XIRP2: variants seen among roughly 807,000 people sequenced by gnomAD.
The protein encoded by XIRP2 is xin actin-binding repeat-containing protein 2.
Under a neutral mutation model 277.0 loss-of-function variants are expected in XIRP2, and 236 were observed. The ratio of observed to expected loss-of-function variants is 0.85; its 90% confidence interval spans 0.77 to 0.95. XIRP2 has a LOEUF of 0.95. XIRP2 is among the 40% of genes least tolerant of loss of function. The probability of loss-of-function intolerance (pLI) is 0.00; values close to 1 mark genes in which losing one functional copy is unlikely to be tolerated. For synonymous variants in XIRP2, 1,490 were observed against 1,416.5 expected, an observed-to-expected ratio of 1.05 and a Z score of -1.17; for missense variants, 4,640 against 4,157.5, an observed-to-expected ratio of 1.12 and a Z score of -3.19.
chr2:166,934,195 C>CAAAAAA (rs750753001), intron 2 of XIRP2, among the ~76,000 whole-genome samples: 74 of 71,436 alleles, frequency 1.0e-3, no homozygotes, highest in East Asian at 2.3e-3. Flanking sequence ...AAATCAACAG[C>CAAAAAA]AAAAAAAAAA....
intron 3 of XIRP2, among the ~76,000 whole-genome samples, chr2:167,160,143 G>T (rs1692318476): frequency 6.6e-6 from 1 of 152,138 alleles, no homozygotes. Flanking sequence ...TGTCTGATAA[G>T]AAATAACTAT....
At chr2:166,975,042 T>C (rs1479220110) in intron 2 of XIRP2, among the ~76,000 whole-genome samples, 1 of 152,146 alleles carries the variant, frequency 6.6e-6, no homozygotes, top group Non-Finnish European at 1.5e-5. Flanking sequence ...ACATCAAAAG[T>C]ATAATTTCAT....
At position 167,248,411 on chromosome 2, in the gene XIRP2, G is replaced by C. The variant is rs747842103; in HGVS notation, c.7019G>C (p.Ser2340Thr). 1.2e-6 allele frequency: 2 copies of C among 1,613,602 alleles called. No individual in the cohort carries two copies. The highest frequency in any genetic ancestry group is 1.7e-6 in the Non-Finnish European group (2 of 1,179,800). The change falls in exon 9 of 11, where the codon AGT becomes ACT. Residue 2340 changes from serine to threonine, a missense_variant. By Grantham distance (58) the Ser-to-Thr change is moderately conservative (BLOSUM62 1). Coordinates refer to ENST00000409195, the MANE Select transcript of XIRP2 (RefSeq NM_152381.6). The part of the protein sequence containing the change: ...STEKIKAEFE[S>T]FPGLPLPPPP... ...GAGAAGATAAAGGCTGAATTTGAAA[G>C]TTTTCCAGGCCTCCCTCTTCCTCCA...
intron 3 of XIRP2, among the ~76,000 whole-genome samples, chr2:167,198,091 A>C (rs1693570609): frequency 1.3e-5 from 2 of 152,208 alleles, no homozygotes. Context: ...AATAACTGTA[A>C]ATAAATTAAG....
At chr2:167,220,174 T>C (rs1299133770) in intron 5 of XIRP2, among the ~76,000 whole-genome samples, 3 of 151,556 alleles carry the variant, frequency 2.0e-5, no homozygotes, top group African/African-American at 7.3e-5. Flanking sequence ...CCTTCCTTTC[T>C]TTTTTTTTCC....
chr2:167,241,136 T>G (rs766234768), intron 7 of XIRP2, among the ~76,000 whole-genome samples: 1 of 152,166 alleles, frequency 6.6e-6, no homozygotes, highest in Non-Finnish European at 1.5e-5. Context: ...CCTGTAGATA[T>G]GAGATTAGAC....
intron 2 of XIRP2, among the ~76,000 whole-genome samples, chr2:167,112,746 G>A (rs1469493327): frequency 2.0e-5 from 3 of 151,982 alleles, no homozygotes; most frequent in Non-Finnish European, 4.4e-5. Flanking sequence ...CCACCTCCTG[G>A]GTTCAAGTGA....
chr2:167,090,622 C>T (rs1268373201), intron 2 of XIRP2, among the ~76,000 whole-genome samples: 1 of 152,106 alleles, frequency 6.6e-6, no homozygotes, highest in Non-Finnish European at 1.5e-5. Context: ...TCATGTTTTG[C>T]AGGCTGAGAA....
chr2:166,998,293 G>A (rs1025164393), intron 2 of XIRP2, among the ~76,000 whole-genome samples: 2 of 152,052 alleles, frequency 1.3e-5, no homozygotes, highest in Admixed American at 1.3e-4. Flanking sequence ...AAAATTAATT[G>A]ACAAACCATT....
chr2:166,918,919 CT>C (rs1399109353), intron 2 of XIRP2, among the ~76,000 whole-genome samples: 1 of 152,070 alleles, frequency 6.6e-6, no homozygotes, highest in African/African-American at 2.4e-5. Flanking sequence ...GGAGTTGCCC[CT>C]TTTTATTCCT....
At chr2:166,947,731 A>G (rs1010750742) in intron 2 of XIRP2, among the ~76,000 whole-genome samples, 1 of 152,120 alleles carries the variant, frequency 6.6e-6, no homozygotes, top group Non-Finnish European at 1.5e-5. Flanking sequence ...ATCTTAGCAT[A>G]TGATCCAGGA....
At chr2:167,136,278 A>G (rs935550333) in intron 3 of XIRP2, among the ~76,000 whole-genome samples, 11 of 152,196 alleles carry the variant, frequency 7.2e-5, no homozygotes, top group Non-Finnish European at 1.6e-4. Flanking sequence ...AATAGAATAT[A>G]TTTTAATTGA....
At position 167,248,487 on chromosome 2, in the gene XIRP2, G is replaced by GCCT. The variant is rs775890249; in HGVS notation, c.7107_7109dup (p.Pro2370dup). On this transcript the variant is annotated inframe_insertion, in exon 9 of 11. Transcript: ENST00000409195. Reference sequence around the variant, plus strand: ...GAGAAAGTTCATCGATGTTTCTGCCGCCTCCTCCTCCTCCAACTCCATCTC... The same window carrying GCCT: ...GAGAAAGTTCATCGATGTTTCTGCCGCCTCCTCCTCCTCCTCCAACTCCATCTC... 1 of 1,613,332 alleles carries GCCT rather than the reference G, an allele frequency of 6.2e-7. No individual in the cohort carries two copies. The highest frequency in any genetic ancestry group is 8.5e-7 in the Non-Finnish European group (1 of 1,179,640).
chr2:167,025,308 T>C (rs1558952318), intron 2 of XIRP2, among the ~76,000 whole-genome samples: 1 of 152,174 alleles, frequency 6.6e-6, no homozygotes, highest in Non-Finnish European at 1.5e-5. Flanking sequence ...ATATCCCCTT[T>C]ATCATTTTTT....
At position 166,988,184 on chromosome 2, in the gene XIRP2, T is replaced by G. The variant is rs1025016881; in HGVS notation, c.408+84294T>G. Among the ~76,000 whole-genome samples, 5 of 152,304 alleles carry G rather than the reference T, an allele frequency of 3.3e-5. No homozygotes were observed. The Middle Eastern group carries it at 0.01, about 311-fold the overall frequency. On this transcript the variant is annotated intron_variant, in intron 2 of 10. Coordinates refer to ENST00000409195, the MANE Select transcript of XIRP2 (RefSeq NM_152381.6). ...TCAAGCACCCCCTACTCTAATGCAC[T>G]TGAAAGCATCTAACATTACCTCTGT...
chr2:167,141,873 T>A (rs1054300192), intron 3 of XIRP2, among the ~76,000 whole-genome samples: 2 of 151,670 alleles, frequency 1.3e-5, no homozygotes, highest in Non-Finnish European at 2.9e-5. Context: ...AAATAAAATA[T>A]AGAAAAGAAA....
At chr2:167,136,105 G>C (rs1427626443) in intron 3 of XIRP2, 43 bp downstream of exon 3, 1 of 1,512,518 alleles carries the variant, frequency 6.6e-7, no homozygotes, top group Non-Finnish European at 8.8e-7. Flanking sequence ...ATCATACCTT[G>C]TACAACATGA....
At chr2:166,932,268 G>A (rs552494421) in intron 2 of XIRP2, among the ~76,000 whole-genome samples, 2 of 150,710 alleles carry the variant, frequency 1.3e-5, no homozygotes, top group South Asian at 4.2e-4. Flanking sequence ...CCAAACTGGA[G>A]TGCAGTGACT....
At chr2:167,018,986 C>A (rs1208184089) in intron 2 of XIRP2, among the ~76,000 whole-genome samples, 1 of 151,774 alleles carries the variant, frequency 6.6e-6, no homozygotes, top group East Asian at 1.9e-4. Flanking sequence ...TTTCTGCCTG[C>A]CACAGTTATA....
Sources: allele counts gnomAD v4.1 joint callset (sites outside exome capture counted in the v4.1 genomes callset), GRCh38; gene constraint gnomAD v4.1.1; transcripts MANE v1.5; gene names NCBI Gene and HGNC (gene_info 2026-07-23, HGNC 2026-07-21).